RNASE9: variants seen among roughly 807,000 people sequenced by gnomAD.
RNASE9 encodes the protein inactive ribonuclease-like protein 9.
For missense variants in RNASE9, 263 were observed against 247.1 expected (o/e 1.06, Z -0.43); for synonymous variants, 95 against 87.6 (o/e 1.08, Z -0.47).
chr14:20,556,604 C>T (rs779466707), exon 3 of RNASE9: 14 of 1,613,726 alleles, frequency 8.7e-6, no homozygotes, highest in Admixed American at 5.0e-5. Flanking sequence ...TAAAGTGATT[C>T]GTATTTACAC....
exon 3 of RNASE9, chr14:20,558,312 T>A (rs577736709): frequency 1.7e-6 from 1 of 600,204 alleles, no homozygotes; most frequent in African/African-American, 1.9e-5. Context: ...ATACTAAGTT[T>A]GTATATATGT....
chr14:20,558,430 G>T lies in RNASE9; in HGVS notation c.-1361C>A, dbSNP rs1566553171. 1.5e-5 allele frequency: 11 copies of T among 756,084 alleles called. No homozygotes were observed. In the East Asian group the frequency reaches 2.7e-4, roughly 18 times the overall value. 46.8% of individuals were successfully genotyped at this position (756,084 alleles called of 1,614,324 possible). On this transcript the variant is annotated 5_prime_UTR_variant, in exon 3 of 3. Transcript: ENST00000555230. The stretch of plus-strand genomic sequence containing the variant: ...GCATAGGAGTGCAGAGAATGGGAAA[G>T]AAAAGAAAAAGTTGCCTAAAATGGC...
chr14:20,558,404 A>G (rs1381611114), exon 3 of RNASE9: 1 of 707,574 alleles, frequency 1.4e-6, no homozygotes, highest in Non-Finnish European at 2.6e-6. Context: ...AGGAAAGTTG[A>G]GCATAGGAGT....
exon 3 of RNASE9, chr14:20,556,496 T>C (rs1317417058): frequency 1.2e-6 from 2 of 1,613,548 alleles, no homozygotes; most frequent in East Asian, 4.5e-5. Flanking sequence ...AGGAAACTTC[T>C]GTGTTCAGGT....
At chr14:20,558,387 T>C in exon 3 of RNASE9, 2 of 690,198 alleles carry the variant, frequency 2.9e-6, no homozygotes, top group Admixed American at 2.1e-5. Context: ...CATCAGAAAG[T>C]AGAGACAGGA....
At chr14:20,558,648 G>C (rs1315806420) in exon 3 of RNASE9, 1 of 1,450,892 alleles carries the variant, frequency 6.9e-7, no homozygotes, top group Admixed American at 2.0e-5. Context: ...GCAACATCTT[G>C]ATCTGGAGAG....
At position 20,558,656 on chromosome 14, in the gene RNASE9, G is replaced by A. The variant is rs1566553406; in HGVS notation, c.-1581-6C>T. ...AGCCTCTGCAACATCTTGATCTGGA[G>A]AGAACATGGACAGTACACGTGTGAA... On this transcript the variant is annotated splice_polypyrimidine_tract_variant and splice_region_variant and intron_variant, in intron 2 of 2. Transcript: ENST00000555230. 46 of 1,408,966 alleles carry A rather than the reference G, an allele frequency of 3.3e-5. 1 individual carries two copies. The highest frequency in any genetic ancestry group is 4.4e-5 in the Non-Finnish European group (45 of 1,018,098). 87.3% of individuals were successfully genotyped at this position (1,408,966 alleles called of 1,614,324 possible).
At chr14:20,556,144 G>C in exon 3 of RNASE9, 1 of 268,142 alleles carries the variant, frequency 3.7e-6, no homozygotes, top group Non-Finnish European at 7.1e-6. Context: ...TCACATGGAT[G>C]TGTCTTTGGA....
At chr14:20,557,245 C>G (rs1170169469) in exon 3 of RNASE9, 2 of 642,032 alleles carry the variant, frequency 3.1e-6, no homozygotes, top group Non-Finnish European at 5.2e-6. Flanking sequence ...AAATTATTGA[C>G]AAAAATGACC....
At chr14:20,556,647 A>G (rs142287899) in exon 3 of RNASE9, 128 of 1,613,270 alleles carry the variant, frequency 7.9e-5, no homozygotes, top group Non-Finnish European at 1.0e-4. Context: ...TTAAATTACA[A>G]TACACTCCTT....
rs780330770 is a variant in RNASE9 at position 20,556,776 on chromosome 14, C to A, written c.294G>T (p.Trp98Cys). 3.1e-6 allele frequency: 5 copies of A among 1,613,614 alleles called. No homozygotes were observed. In the South Asian group the frequency reaches 4.4e-5, roughly 14 times the overall value. Residue 98 changes from tryptophan (W) to cysteine (C), a missense_variant, in exon 3 of 3, where the codon TGG becomes TGT. By Grantham distance (215) the Trp-to-Cys change is radical (BLOSUM62 -2). Transcript: ENST00000555230. ...TAAGAAGGAAGTAATGTTCTGCCAC[C>A]CAACGGTGTTTGTAGTAAACATTTT...
At chr14:20,558,069 G>T (rs910961090) in exon 3 of RNASE9, 1 of 224,486 alleles carries the variant, frequency 4.5e-6, no homozygotes. Context: ...CTACTGAAAT[G>T]GCCAGTGCTA....
exon 3 of RNASE9, chr14:20,558,293 C>G (rs1594460334): frequency 5.1e-6 from 3 of 586,026 alleles, no homozygotes. Context: ...GCCTCCTGTT[C>G]TAGGCTGGAT....
chr14:20,556,934 C>T (rs866287181), exon 3 of RNASE9: 1 of 1,614,112 alleles, frequency 6.2e-7, no homozygotes, highest in African/African-American at 1.3e-5. Context: ...TCCAAACACT[C>T]TTCAAATTCT....
intron 2 of RNASE9, among the ~76,000 whole-genome samples, chr14:20,558,862 T>A (rs1013274473): frequency 3.9e-5 from 6 of 152,248 alleles, no homozygotes; most frequent in South Asian, 4.1e-4. Flanking sequence ...GTGAATTTTT[T>A]AAATACTGTA....
chr14:20,559,258 A>C (rs1883850888), intron 2 of RNASE9, among the ~76,000 whole-genome samples: 1 of 151,972 alleles, frequency 6.6e-6, no homozygotes. Context: ...ACTTATTATC[A>C]TTTTATAAAA....
At chr14:20,558,555 C>T (rs1005253460) in exon 3 of RNASE9, 1 of 1,550,028 alleles carries the variant, frequency 6.5e-7, no homozygotes, top group Non-Finnish European at 8.7e-7. Context: ...TCAGTGTCCT[C>T]CAGGAAGTCT....
exon 3 of RNASE9, chr14:20,558,505 C>T: frequency 6.9e-7 from 1 of 1,449,604 alleles, no homozygotes; most frequent in Non-Finnish European, 9.5e-7. Context: ...CTGTCCCTCC[C>T]CTCCCTGCTT....
At chr14:20,558,801 A>G (rs1336294305) in intron 2 of RNASE9, 2 of 572,006 alleles carry the variant, frequency 3.5e-6, no homozygotes, top group African/African-American at 3.8e-5. Context: ...TGATTTATGA[A>G]TTCAACTTTT....
Sources: allele counts gnomAD v4.1 joint callset (sites outside exome capture counted in the v4.1 genomes callset), GRCh38; gene constraint gnomAD v4.1.1; transcripts MANE v1.5; gene names NCBI Gene and HGNC (gene_info 2026-07-23, HGNC 2026-07-21).